The following STK3 variants were observed in gnomAD, a reference collection of about 807,000 sequenced individuals.
The protein encoded by STK3 is serine/threonine-protein kinase 3.
STK3 carries 41 observed loss-of-function variants against 58.0 expected under a neutral mutation model. That is an observed-to-expected ratio of 0.71 (90% CI 0.55 to 0.92). The LOEUF (loss-of-function observed/expected upper bound fraction) is 0.92. STK3 is among the 40% of genes least tolerant of loss of function. STK3 has a pLI of 0.00. For missense variants in STK3, 479 were observed against 602.7 expected, an observed-to-expected ratio of 0.79 and a Z score of 2.15; for synonymous variants, 170 against 191.0, an observed-to-expected ratio of 0.89 and a Z score of 0.91.
intron 1 of STK3, among the ~76,000 whole-genome samples, 179 bp from the exon 2 acceptor site, chr8:98,774,998 G>C (rs950211191): frequency 6.6e-6 from 1 of 151,968 alleles, no homozygotes; most frequent in Non-Finnish European, 1.5e-5. Flanking sequence ...CATGTGCCCA[G>C]CAACACCTCC....
At position 98,795,037 on chromosome 8, in the gene STK3, C is replaced by T. The variant is rs1363748257; in HGVS notation, c.27-20218G>A. 3.7e-5 allele frequency among the ~76,000 whole-genome samples: 5 copies of T among 134,498 alleles called. No individual in the cohort carries two copies. In the East Asian group the frequency reaches 8.9e-4, roughly 24 times the overall value. 88.2% of individuals were successfully genotyped at this position (134,498 alleles called of 152,430 possible). On this transcript the variant is annotated intron_variant, in intron 1 of 10. Transcript: ENST00000419617. Reference sequence around the variant, plus strand: ...GAGACGAGATCGCGCCATTGCACTCCAGCCTGCGCAACAAGAGCCAGACAA... The same window carrying T: ...GAGACGAGATCGCGCCATTGCACTCTAGCCTGCGCAACAAGAGCCAGACAA...
At chr8:98,583,682 C>T (rs945009666) in intron 7 of STK3, among the ~76,000 whole-genome samples, 5 of 152,220 alleles carry the variant, frequency 3.3e-5, no homozygotes, top group South Asian at 2.1e-4. Context: ...CAGCTTCTTG[C>T]GTCTTTCCAA....
intron 9 of STK3, among the ~76,000 whole-genome samples, chr8:98,536,417 A>G (rs1809769089): frequency 6.6e-6 from 1 of 152,096 alleles, no homozygotes; most frequent in Non-Finnish European, 1.5e-5. Context: ...CTATGATCAC[A>G]AACACCATAT....
chr8:98,824,610 C>G (rs1185903202), intron 1 of STK3, among the ~76,000 whole-genome samples: 1 of 152,194 alleles, frequency 6.6e-6, no homozygotes, highest in African/African-American at 2.4e-5. Context: ...CACGACCCCC[C>G]CTTTTTTTCA....
At chr8:98,499,368 G>A (rs1045352451) in intron 10 of STK3, among the ~76,000 whole-genome samples, 2 of 152,210 alleles carry the variant, frequency 1.3e-5, no homozygotes, top group African/African-American at 4.8e-5. Flanking sequence ...TGTTATAGCA[G>A]CCATAGGAAA....
intron 10 of STK3, among the ~76,000 whole-genome samples, chr8:98,463,687 T>C (rs1023418499): frequency 5.3e-5 from 8 of 152,150 alleles, no homozygotes; most frequent in African/African-American, 1.9e-4. Flanking sequence ...GTGATAAAAC[T>C]TACTTCATAA....
At position 98,925,902 on chromosome 8, in the gene STK3, T is replaced by A. The variant is rs1839769627; in HGVS notation, c.-79+16476A>T. 2.0e-5 allele frequency among the ~76,000 whole-genome samples: 3 copies of A among 152,308 alleles called. 1 individual carries two copies. The highest frequency in any genetic ancestry group is 7.2e-5 in the African/African-American group (3 of 41,558). ...TGCCCTAGTGAGTTGAATGACCACA[T>A]AAATCACAGGCTAAACTTGGCTCTG... On this transcript the variant is annotated intron_variant, in intron 1 of 1. Transcript: ENST00000519420.
chr8:98,611,814 G>C (rs1159130437), intron 6 of STK3, among the ~76,000 whole-genome samples: 1 of 152,030 alleles, frequency 6.6e-6, no homozygotes, highest in Non-Finnish European at 1.5e-5. Context: ...TCCTATATGA[G>C]TGTAAGGTGT....
chr8:98,817,925 G>C lies in STK3; in HGVS notation c.26+7590C>G, dbSNP rs1469401293. On this transcript the variant is annotated intron_variant, in intron 1 of 10. Coordinates refer to ENST00000419617, the MANE Select transcript of STK3 (RefSeq NM_006281.4). Reference sequence around the variant, plus strand: ...CTTTAATGACAGCACACAGAGCTCTGACTTAAATCCAAATTCCTTTCCATG... The same window carrying C: ...CTTTAATGACAGCACACAGAGCTCTCACTTAAATCCAAATTCCTTTCCATG... Among the ~76,000 whole-genome samples, 7 of 152,260 alleles carry C rather than the reference G, an allele frequency of 4.6e-5. No individual in the cohort carries two copies. In the South Asian group the frequency reaches 1.5e-3, roughly 32 times the overall value.
chr8:98,890,312 C>T (rs1838148103), intron 1 of STK3, among the ~76,000 whole-genome samples: 1 of 152,190 alleles, frequency 6.6e-6, no homozygotes, highest in Admixed American at 6.5e-5. Context: ...GTATAATCCC[C>T]AACCCAGGAA....
chr8:98,371,166 C>A (rs996338281), downstream of STK3, among the ~76,000 whole-genome samples: 1 of 152,164 alleles, frequency 6.6e-6, no homozygotes, highest in Non-Finnish European at 1.5e-5. Context: ...TTCATTGCAT[C>A]CCCAGGGCCC....
the STK3 span, among the ~76,000 whole-genome samples, chr8:98,345,915 G>C: frequency 2.0e-5 from 3 of 152,080 alleles, no homozygotes; most frequent in Non-Finnish European, 2.9e-5. Context: ...GGAGAGAAAA[G>C]ATTCATTGGA....
At chr8:98,619,067 C>G (rs1405904278) in intron 6 of STK3, among the ~76,000 whole-genome samples, 2 of 149,626 alleles carry the variant, frequency 1.3e-5, no homozygotes, top group African/African-American at 4.9e-5. Flanking sequence ...TCAAACTATA[C>G]TACAAGGCTA....
At chr8:98,470,612 T>C (rs906056072) in intron 10 of STK3, among the ~76,000 whole-genome samples, 1 of 152,224 alleles carries the variant, frequency 6.6e-6, no homozygotes, top group African/African-American at 2.4e-5. Flanking sequence ...AAATTGCAGA[T>C]TCTGCTAGCT....
intron 3 of STK3, among the ~76,000 whole-genome samples, chr8:98,845,238 A>G (rs994887617): frequency 6.6e-6 from 1 of 152,040 alleles, no homozygotes; most frequent in Non-Finnish European, 1.5e-5. Context: ...TTTTGCATTC[A>G]GTTTTATAAT....
intron 3 of STK3, among the ~76,000 whole-genome samples, chr8:98,847,280 C>T (rs1381389336): frequency 1.3e-5 from 2 of 152,178 alleles, no homozygotes; most frequent in African/African-American, 2.4e-5. Context: ...TATTTGAAAA[C>T]TGAGAGCCAA....
intron 10 of STK3, among the ~76,000 whole-genome samples, chr8:98,478,418 G>A (rs1050772385): frequency 6.6e-6 from 1 of 152,072 alleles, no homozygotes; most frequent in Admixed American, 6.5e-5. Flanking sequence ...TTCGCCTCCC[G>A]AGCAGAGCAA....
intron 1 of STK3, among the ~76,000 whole-genome samples, chr8:98,383,564 C>T (rs368703913): frequency 4.6e-5 from 7 of 152,270 alleles, no homozygotes; most frequent in South Asian, 4.1e-4. Flanking sequence ...CTAGGTGAAA[C>T]GTCCTGATTT....
intron 1 of STK3, among the ~76,000 whole-genome samples, chr8:98,934,917 A>AAAAATAAAATAAAATAAAAT (rs554783265): frequency 0.011 from 1,587 of 149,908 alleles, 24 homozygotes; most frequent in African/African-American, 0.03. Flanking sequence ...ACGCCGTCTC[A>AAAAATAAAATAAAATAAAAT]AAAATAAAAT....
Sources: gnomAD v4.1 joint callset for allele counts (sites outside exome capture counted in the v4.1 genomes callset) on GRCh38, gnomAD v4.1.1 for gene constraint, MANE v1.5 for transcripts, NCBI Gene and HGNC (gene_info 2026-07-23, HGNC 2026-07-21) for gene names.